Variants in PCDH15 observed in about 807,000 individuals in gnomAD.
PCDH15 encodes protocadherin related 15, also known as protocadherin-15.
A neutral mutation model predicts 178.5 loss-of-function variants in PCDH15; 129 were observed. The ratio of observed to expected loss-of-function variants is 0.72; its 90% confidence interval spans 0.63 to 0.84. The LOEUF is 0.84. PCDH15 is among the 40% of genes least tolerant of loss of function. PCDH15 has a pLI of 0.00. For synonymous variants in PCDH15, 800 were observed against 732.0 expected, an observed-to-expected ratio of 1.09 and a Z score of -1.50; for missense variants, 2,230 against 2,099.9, an observed-to-expected ratio of 1.06 and a Z score of -1.21.
At chr10:53,906,253 C>T (rs2082673182) in intron 25 of PCDH15, among the ~76,000 whole-genome samples, 1 of 148,842 alleles carries the variant, frequency 6.7e-6, no homozygotes, top group South Asian at 2.1e-4. Context: ...ATAGACTAGT[C>T]TTCCTTTTTT....
At chr10:54,701,645 G>A (rs1441042933) in intron 1 of PCDH15, among the ~76,000 whole-genome samples, 1 of 151,894 alleles carries the variant, frequency 6.6e-6, no homozygotes, top group East Asian at 1.9e-4. Flanking sequence ...AAAAAGCATG[G>A]GTTGCTATTT....
At position 53,995,842 on chromosome 10, in the gene PCDH15, C is replaced by CT. The variant is rs1466577198; in HGVS notation, c.2752-78dup. 7.3e-6 allele frequency: 9 copies of CT among 1,240,420 alleles called. No individual in the cohort carries two copies. The East Asian group carries it at 2.1e-4, about 29-fold the overall frequency. 76.8% of individuals were successfully genotyped at this position (1,240,420 alleles called of 1,614,324 possible). A position where few individuals can be genotyped will look rare whatever the true frequency, so the allele number is the denominator to read the frequency against. On this transcript the variant is annotated intron_variant, in intron 20 of 37. Transcript: ENST00000644397. The stretch of plus-strand genomic sequence containing the variant: ...TACAGTTACTAGATTGACTCCCAGT[C>CT]TTCATATCACACAACTTATTTACCA...
At chr10:55,549,172 G>GT (rs150758606) in intron 2 of PCDH15, among the ~76,000 whole-genome samples, 21,208 of 150,362 alleles carry the variant, frequency 0.14, 1,579 homozygotes, top group Middle Eastern at 0.2. Flanking sequence ...TTGTTTGTTT[G>GT]TTTTTTCCCC....
chr10:54,313,592 T>C (rs2133551738), intron 8 of PCDH15, among the ~76,000 whole-genome samples: 1 of 152,194 alleles, frequency 6.6e-6, no homozygotes, highest in East Asian at 1.9e-4. Flanking sequence ...AGGACTCAAA[T>C]GTATCTTAAT....
chr10:53,838,245 G>C (rs1387513200), intron 29 of PCDH15, among the ~76,000 whole-genome samples: 4 of 152,146 alleles, frequency 2.6e-5, no homozygotes, highest in African/African-American at 7.2e-5. Flanking sequence ...AAAGTGCTGG[G>C]ATTACAGGCG....
chr10:55,151,012 G>A (rs1398040728), intron 2 of PCDH15, among the ~76,000 whole-genome samples: 2 of 152,088 alleles, frequency 1.3e-5, no homozygotes, highest in Non-Finnish European at 2.9e-5. Flanking sequence ...GAATATCACA[G>A]TTAATAGTAG....
chr10:54,686,592 G>T (rs887562653), intron 1 of PCDH15, among the ~76,000 whole-genome samples: 1 of 152,034 alleles, frequency 6.6e-6, no homozygotes, highest in Non-Finnish European at 1.5e-5. Flanking sequence ...TGTGTGTATG[G>T]TGTAAAATTG....
intron 2 of PCDH15, among the ~76,000 whole-genome samples, chr10:55,368,747 G>A (rs566973901): frequency 3.9e-4 from 59 of 152,052 alleles, no homozygotes; most frequent in African/African-American, 1.3e-3. Context: ...CCATTGCTAC[G>A]AATAACTCCT....
At chr10:54,266,634 A>G (rs910030734) in intron 8 of PCDH15, among the ~76,000 whole-genome samples, 1 of 151,914 alleles carries the variant, frequency 6.6e-6, no homozygotes, top group African/African-American at 2.4e-5. Flanking sequence ...ATCCAGTCCC[A>G]TAGAGATTCA....
intron 1 of PCDH15, among the ~76,000 whole-genome samples, chr10:55,217,657 C>A (rs1840745101): frequency 6.6e-6 from 1 of 151,728 alleles, no homozygotes; most frequent in Middle Eastern, 3.4e-3. Flanking sequence ...GCATTACTAG[C>A]TAATATACAA....
At chr10:54,196,450 G>T (rs2049670011) in intron 10 of PCDH15, among the ~76,000 whole-genome samples, 2 of 152,228 alleles carry the variant, frequency 1.3e-5, no homozygotes, top group South Asian at 4.1e-4. Context: ...CCAAATTATT[G>T]TAATTTTTAT....
intron 2 of PCDH15, among the ~76,000 whole-genome samples, chr10:55,341,895 C>T (rs1056024555): frequency 7.0e-6 from 1 of 143,552 alleles, no homozygotes; most frequent in Non-Finnish European, 1.5e-5. Flanking sequence ...GATCTGCCCA[C>T]CTCAGCCAGC....
intron 23 of PCDH15, among the ~76,000 whole-genome samples, chr10:53,944,952 C>T (rs931393864): frequency 2.6e-5 from 4 of 152,176 alleles, no homozygotes; most frequent in Admixed American, 1.3e-4. Context: ...TACTCCACAA[C>T]GGCAATGCTT....
chr10:55,068,620 C>T (rs1841629281), intron 2 of PCDH15, among the ~76,000 whole-genome samples: 2 of 151,756 alleles, frequency 1.3e-5, no homozygotes, highest in South Asian at 4.1e-4. Context: ...TTTTTTATTT[C>T]TGTGAAAAAT....
Position 54,314,754 on chromosome 10 carries a change from T to A in PCDH15, c.876+2517A>T, listed in dbSNP as rs1209442052. Among the ~76,000 whole-genome samples the A allele has an allele frequency of 2.6e-5, 4 of 152,100 alleles. No homozygotes were observed. In the South Asian group the frequency reaches 8.3e-4, roughly 32 times the overall value. On this transcript the variant is annotated intron_variant, in intron 8 of 37. Coordinates refer to ENST00000644397, the MANE Select transcript of PCDH15 (RefSeq NM_001384140.1). ...TCCTTCTGTTCATGAGTTCTCATCA[T>A]TTACCTCCCACTTATATGTGAGAAT...
At chr10:54,819,978 T>C (rs1163166831) in intron 3 of PCDH15, among the ~76,000 whole-genome samples, 1 of 149,732 alleles carries the variant, frequency 6.7e-6, no homozygotes, top group Non-Finnish European at 1.5e-5. Flanking sequence ...ATTACTTGAT[T>C]AAAGTAGTAT....
At chr10:54,743,640 G>GA (rs1244428285) in intron 1 of PCDH15, among the ~76,000 whole-genome samples, 1 of 151,576 alleles carries the variant, frequency 6.6e-6, no homozygotes, top group Non-Finnish European at 1.5e-5. Flanking sequence ...CCACTTGAAA[G>GA]AAAAAAAGAG....
At chr10:54,120,491 A>G (rs1023386165) in intron 15 of PCDH15, among the ~76,000 whole-genome samples, 1 of 152,146 alleles carries the variant, frequency 6.6e-6, no homozygotes, top group Non-Finnish European at 1.5e-5. Flanking sequence ...AAAACAAAAC[A>G]AAACCAAGAT....
intron 2 of PCDH15, among the ~76,000 whole-genome samples, chr10:55,422,479 G>T (rs1838646488): frequency 6.6e-6 from 1 of 151,826 alleles, no homozygotes. Flanking sequence ...AGCCAAGGAT[G>T]ACAAAGTAGG....
Sources: gnomAD v4.1 joint callset for allele counts (sites outside exome capture counted in the v4.1 genomes callset) on GRCh38, gnomAD v4.1.1 for gene constraint, MANE v1.5 for transcripts, NCBI Gene and HGNC (gene_info 2026-07-23, HGNC 2026-07-21) for gene names.